The following SLK variants were observed in gnomAD, a reference collection of about 807,000 sequenced individuals.
SLK encodes the protein STE20-like serine/threonine-protein kinase.
Under a neutral mutation model 147.7 loss-of-function variants are expected in SLK, and 67 were observed. The observed-to-expected ratio is 0.45, with a 90% CI of 0.37 to 0.56. The LOEUF is 0.56. SLK is among the 20% of genes least tolerant of loss of function. The pLI, the probability that SLK is intolerant of heterozygous loss-of-function variation, is 0.00. For synonymous variants in SLK, 441 were observed against 475.0 expected (o/e 0.93, Z 0.93); for missense variants, 1,136 against 1,438.8 (o/e 0.79, Z 3.41).
intron 1 of SLK, among the ~76,000 whole-genome samples, chr10:103,981,190 T>G (rs1317374018): frequency 8.5e-6 from 1 of 117,476 alleles, no homozygotes; most frequent in African/African-American, 3.1e-5. Context: ...TGGGTTTTTT[T>G]TGTTGTTGTT....
At chr10:103,998,027 C>T (rs1844198412) in intron 4 of SLK, among the ~76,000 whole-genome samples, 1 of 152,068 alleles carries the variant, frequency 6.6e-6, no homozygotes, top group South Asian at 2.1e-4. Flanking sequence ...AGAGAACCTT[C>T]CATTTCTGCA....
At chr10:104,022,771 C>A (rs1262081758) in intron 18 of SLK, among the ~76,000 whole-genome samples, 1 of 152,210 alleles carries the variant, frequency 6.6e-6, no homozygotes, top group Non-Finnish European at 1.5e-5. Context: ...CCACACCTGG[C>A]TAATTTTTGT....
rs1843947862 is a variant in SLK, at chr10:103,981,818, T to G, written c.151-8857T>G. 2.6e-5 allele frequency among the ~76,000 whole-genome samples: 4 copies of G among 152,166 alleles called. No homozygotes were observed. The South Asian group carries it at 8.3e-4, about 32-fold the overall frequency. On this transcript the variant is annotated intron_variant, in intron 1 of 18. Coordinates refer to ENST00000369755, the MANE Select transcript of SLK (RefSeq NM_014720.4). ...ATTATTTTGGCTATTCAGGGTCCATTGAGATTCCATGTGAATTTTGGGATA... is the reference window on the plus strand; with the variant it reads ...ATTATTTTGGCTATTCAGGGTCCATGGAGATTCCATGTGAATTTTGGGATA...
intron 11 of SLK, among the ~76,000 whole-genome samples, chr10:104,007,812 T>A (rs2134508140): frequency 1.5e-5 from 2 of 136,010 alleles, no homozygotes; most frequent in South Asian, 4.7e-4. Context: ...GATAAGTTGG[T>A]CATGGTGGCA....
chr10:103,980,848 G>A (rs1843931719), intron 1 of SLK, among the ~76,000 whole-genome samples: 1 of 152,134 alleles, frequency 6.6e-6, no homozygotes, highest in African/African-American at 2.4e-5. Flanking sequence ...ATACCCAGGA[G>A]TGGGATTCCT....
At position 104,004,259 on chromosome 10, in the gene SLK, C is replaced by T. The variant is rs370228821; in HGVS notation, c.2349+732C>T. ...TCTAGGGCATGAGTGATTAGTCTGCCTATCTGCCCCAAATTCCTAGGATTT... is the reference window on the plus strand; with the variant it reads ...TCTAGGGCATGAGTGATTAGTCTGCTTATCTGCCCCAAATTCCTAGGATTT... On this transcript the variant is annotated intron_variant, in intron 9 of 18. Transcript: ENST00000369755. Among the ~76,000 whole-genome samples, 47 of 152,234 alleles carry T rather than the reference C, an allele frequency of 3.1e-4. No homozygotes were observed. In the East Asian group the frequency reaches 6.0e-3, roughly 19 times the overall value.
chr10:103,982,590 TACAG>T (rs1843960493), intron 1 of SLK, among the ~76,000 whole-genome samples: 1 of 152,220 alleles, frequency 6.6e-6, no homozygotes, highest in Non-Finnish European at 1.5e-5. Context: ...TTACAGAAAT[TACAG>T]AAAGAATATG....
chr10:104,000,204 G>A (rs1297778870), intron 7 of SLK, among the ~76,000 whole-genome samples: 2 of 152,012 alleles, frequency 1.3e-5, no homozygotes, highest in African/African-American at 4.8e-5. Flanking sequence ...TGTCTCTCCA[G>A]TTACTAGAAA....
chr10:103,973,061 C>T (rs1843815410), intron 1 of SLK, among the ~76,000 whole-genome samples: 1 of 152,082 alleles, frequency 6.6e-6, no homozygotes, highest in Non-Finnish European at 1.5e-5. Context: ...TTTTCCTTTA[C>T]AGTTGATGCT....
intron 18 of SLK, among the ~76,000 whole-genome samples, chr10:104,023,508 G>T (rs1003700743): frequency 7.9e-5 from 12 of 152,192 alleles, no homozygotes; most frequent in Admixed American, 7.9e-4. Flanking sequence ...TTATATAGCA[G>T]TTATCTAGTA....
intron 4 of SLK, among the ~76,000 whole-genome samples, chr10:103,995,780 C>G (rs1180997748): frequency 1.3e-5 from 2 of 152,152 alleles, no homozygotes; most frequent in Non-Finnish European, 2.9e-5. Context: ...TATAGTATTT[C>G]AAGACCACAG....
chr10:104,024,010 G>A (rs1279772803), intron 18 of SLK, among the ~76,000 whole-genome samples: 1 of 151,912 alleles, frequency 6.6e-6, no homozygotes, highest in Non-Finnish European at 1.5e-5. Flanking sequence ...ACTGCCAGAT[G>A]TTCCTTCATC....
rs772774220 is a variant in SLK, at chr10:103,990,631, A to G, written c.151-44A>G. On this transcript the variant is annotated intron_variant, in intron 1 of 18. Coordinates refer to ENST00000369755, the MANE Select transcript of SLK (RefSeq NM_014720.4). ...TATTAAAATAATAAAAAATTAGAAA[A>G]TGATGCATTTGAAATGTGACACTTC... 63 of 1,180,198 alleles carry G rather than the reference A, an allele frequency of 5.3e-5. No individual in the cohort carries two copies. In the South Asian group the frequency reaches 1.0e-3, roughly 19 times the overall value. 73.1% of individuals were successfully genotyped at this position (1,180,198 alleles called of 1,614,324 possible).
chr10:103,997,027 C>T (rs926265726), intron 4 of SLK, among the ~76,000 whole-genome samples: 9 of 152,094 alleles, frequency 5.9e-5, no homozygotes, highest in African/African-American at 2.2e-4. Context: ...ATCTCCATAC[C>T]TCTTTTCATC....
chr10:103,984,471 TG>T (rs1843987147), intron 1 of SLK, among the ~76,000 whole-genome samples: 1 of 152,188 alleles, frequency 6.6e-6, no homozygotes, highest in South Asian at 2.1e-4. Context: ...TGGAGCGCAA[TG>T]GTGCAATCTT....
chr10:104,010,708 G>C, intron 12 of SLK, 108 bp from the exon 13 acceptor site: 1 of 612,830 alleles, frequency 1.6e-6, no homozygotes, highest in Non-Finnish European at 2.6e-6. Context: ...ATGTTGAAAG[G>C]AACTTTTTAA....
intron 9 of SLK, among the ~76,000 whole-genome samples, chr10:104,004,023 A>G (rs1264759877): frequency 6.6e-6 from 1 of 152,162 alleles, no homozygotes; most frequent in African/African-American, 2.4e-5. Context: ...CTCAAATTTT[A>G]GTGTGCTTAG....
chr10:104,005,779 T>C lies in SLK; in HGVS notation c.2480+88T>C. 3 of 1,498,866 alleles carry C rather than the reference T, an allele frequency of 2.0e-6. No individual in the cohort carries two copies. In the South Asian group the frequency reaches 3.7e-5, roughly 18 times the overall value. 92.8% of individuals were successfully genotyped at this position (1,498,866 alleles called of 1,614,324 possible). On this transcript the variant is annotated intron_variant, in intron 10 of 18. Transcript: ENST00000369755. ...AGAAGAATAGAGAAACAAGGGTAAATTATTGGCTAATTTTTTTTTATTCTT... is the reference window on the plus strand; with the variant it reads ...AGAAGAATAGAGAAACAAGGGTAAACTATTGGCTAATTTTTTTTTATTCTT...
At chr10:103,990,475 T>G (rs1373748299) in intron 1 of SLK, among the ~76,000 whole-genome samples, 200 bp from the exon 2 acceptor site, 1 of 152,202 alleles carries the variant, frequency 6.6e-6, no homozygotes, top group African/African-American at 2.4e-5. Flanking sequence ...CCTAAAACTT[T>G]CCTTTATCAA....
Sources: gnomAD v4.1 joint callset for allele counts (sites outside exome capture counted in the v4.1 genomes callset) on GRCh38, gnomAD v4.1.1 for gene constraint, MANE v1.5 for transcripts, NCBI Gene and HGNC (gene_info 2026-07-23, HGNC 2026-07-21) for gene names.